Variants in PAPOLA observed in about 807,000 individuals in gnomAD.
The protein encoded by PAPOLA is polynucleotide adenylyltransferase alpha.
In PAPOLA, 15 loss-of-function variants were observed where a neutral mutation model predicts 100.6. The observed-to-expected ratio is 0.15, with a 90% confidence interval of 0.10 to 0.23. PAPOLA has a LOEUF of 0.23. Ranked by LOEUF, PAPOLA falls within the 10% of genes least tolerant of loss-of-function variation. The pLI is 1.00. For missense variants in PAPOLA, 533 were observed against 884.2 expected, an observed-to-expected ratio of 0.60 and a Z score of 5.04; for synonymous variants, 293 against 300.0, an observed-to-expected ratio of 0.98 and a Z score of 0.24.
At chr14:96,543,283 T>C (rs1483318760) in intron 14 of PAPOLA, among the ~76,000 whole-genome samples, 3 of 152,138 alleles carry the variant, frequency 2.0e-5, no homozygotes, top group Non-Finnish European at 4.4e-5. Context: ...TTTTTTGTTA[T>C]GAACTTATAA....
At chr14:96,507,120 A>G (rs931515474) in intron 1 of PAPOLA, among the ~76,000 whole-genome samples, 1 of 152,168 alleles carries the variant, frequency 6.6e-6, no homozygotes, top group African/African-American at 2.4e-5. Flanking sequence ...GTTTGATGCC[A>G]GGTTTTCTTC....
intron 1 of PAPOLA, among the ~76,000 whole-genome samples, chr14:96,516,310 G>C (rs747905224): frequency 3.9e-5 from 6 of 151,920 alleles, no homozygotes; most frequent in Non-Finnish European, 8.8e-5. Flanking sequence ...CTATGTTAAC[G>C]TAGTTTTTCC....
chr14:96,548,568 T>C (rs953387307), intron 16 of PAPOLA, among the ~76,000 whole-genome samples: 1 of 152,186 alleles, frequency 6.6e-6, no homozygotes, highest in East Asian at 1.9e-4. Context: ...TTTATTCTTA[T>C]AATGGAATAC....
At chr14:96,563,806 G>A (rs1490066665) in intron 21 of PAPOLA, among the ~76,000 whole-genome samples, 1 of 152,044 alleles carries the variant, frequency 6.6e-6, no homozygotes, top group Non-Finnish European at 1.5e-5. Context: ...ACATCAGGAA[G>A]TATGCTTAAT....
At chr14:96,552,701 T>C (rs1900946294) in intron 17 of PAPOLA, 79 bp downstream of exon 17, 2 of 1,277,330 alleles carry the variant, frequency 1.6e-6, no homozygotes, top group Admixed American at 2.3e-5. Context: ...GCTATTAAAG[T>C]CATCTATTTA....
chr14:96,532,750 G>A, intron 9 of PAPOLA, 101 bp downstream of exon 9: 1 of 1,439,070 alleles, frequency 6.9e-7, no homozygotes, highest in Non-Finnish European at 9.1e-7. Context: ...TCAAATTTTA[G>A]TTCATGATGT....
intron 18 of PAPOLA, 23 bp from the exon 19 acceptor site, chr14:96,556,152 A>T: frequency 6.5e-7 from 1 of 1,547,134 alleles, no homozygotes; most frequent in South Asian, 1.1e-5. Flanking sequence ...TAATTTGTAT[A>T]TACTCATATA....
intron 12 of PAPOLA, among the ~76,000 whole-genome samples, chr14:96,540,917 C>T (rs940728296): frequency 2.6e-5 from 4 of 152,184 alleles, no homozygotes; most frequent in East Asian, 3.9e-4. Context: ...GACGGAGTCT[C>T]GCTCTGTTGC....
chr14:96,545,364 G>A (rs1172084634), intron 15 of PAPOLA, among the ~76,000 whole-genome samples: 4 of 151,948 alleles, frequency 2.6e-5, no homozygotes, highest in African/African-American at 7.2e-5. Flanking sequence ...ATGTAGAATC[G>A]CGAGCAGTGT....
intron 4 of PAPOLA, among the ~76,000 whole-genome samples, 174 bp downstream of exon 4, chr14:96,525,565 C>T (rs1017615512): frequency 7.9e-5 from 12 of 152,038 alleles, no homozygotes; most frequent in African/African-American, 2.2e-4. Context: ...ACTTCTATAT[C>T]GCCACTGTCC....
At chr14:96,509,782 G>T (rs749142339) in intron 1 of PAPOLA, among the ~76,000 whole-genome samples, 69 of 152,262 alleles carry the variant, frequency 4.5e-4, no homozygotes, top group Non-Finnish European at 9.3e-4. Flanking sequence ...GTAAAAATAC[G>T]GTATTATGCT....
chr14:96,544,964 A>G (rs1164534559), intron 15 of PAPOLA, among the ~76,000 whole-genome samples: 1 of 152,078 alleles, frequency 6.6e-6, no homozygotes, highest in African/African-American at 2.4e-5. Flanking sequence ...TGGTGGATGT[A>G]GTTGAGAGAA....
intron 1 of PAPOLA, among the ~76,000 whole-genome samples, chr14:96,513,894 GTT>G (rs1175720008): frequency 3.3e-5 from 5 of 152,152 alleles, no homozygotes; most frequent in African/African-American, 9.7e-5. Context: ...AAGTAAACCT[GTT>G]TTTATGGCTT....
At chr14:96,502,702 C>T in intron 1 of PAPOLA, 102 bp downstream of exon 1, 1 of 1,321,194 alleles carries the variant, frequency 7.6e-7, no homozygotes, top group Non-Finnish European at 1.0e-6. Flanking sequence ...GCGAGCCCGA[C>T]CCTCCCCGCT....
intron 12 of PAPOLA, among the ~76,000 whole-genome samples, chr14:96,539,329 G>A (rs139970408): frequency 4.4e-4 from 67 of 152,124 alleles, no homozygotes; most frequent in Admixed American, 2.6e-3. Context: ...CTTGAATTAC[G>A]TAAACATAGA....
At chr14:96,534,819 A>G (rs910518424) in intron 10 of PAPOLA, 3 of 1,206,972 alleles carry the variant, frequency 2.5e-6, no homozygotes, top group South Asian at 3.2e-5. Flanking sequence ...AATTTATTCT[A>G]TATAGAACTA....
chr14:96,535,196 T>C, intron 10 of PAPOLA: 1 of 905,278 alleles, frequency 1.1e-6, no homozygotes, highest in Non-Finnish European at 1.3e-6. Flanking sequence ...TTTCCTAAGT[T>C]TATGAAATCC....
intron 17 of PAPOLA, among the ~76,000 whole-genome samples, 192 bp from the exon 18 acceptor site, chr14:96,555,655 G>A (rs1310677039): frequency 6.6e-6 from 1 of 152,038 alleles, no homozygotes; most frequent in Non-Finnish European, 1.5e-5. Flanking sequence ...TGCTTTAGAA[G>A]GTTTGTGTAC....
At chr14:96,519,109 G>T (rs768929190) in intron 1 of PAPOLA, among the ~76,000 whole-genome samples, 52 of 142,604 alleles carry the variant, frequency 3.6e-4, no homozygotes, top group Non-Finnish European at 6.0e-4. Flanking sequence ...TTTTTTTTTT[G>T]GTAGAGACAG....
Sources: gnomAD v4.1 joint callset for allele counts (sites outside exome capture counted in the v4.1 genomes callset) on GRCh38, gnomAD v4.1.1 for gene constraint, MANE v1.5 for transcripts, NCBI Gene and HGNC (gene_info 2026-07-23, HGNC 2026-07-21) for gene names.